Variants in AHNAK2 observed in about 807,000 individuals in gnomAD.
AHNAK2 encodes AHNAK nucleoprotein 2, also known as protein AHNAK2.
A neutral mutation model predicts 30.7 loss-of-function variants in AHNAK2; 18 were observed. The ratio of observed to expected loss-of-function variants is 0.59; its 90% CI spans 0.41 to 0.87. The LOEUF (loss-of-function observed/expected upper bound fraction) is 0.87, where lower values mean the gene tolerates loss of function less well. Ranked by LOEUF, AHNAK2 falls within the 40% of genes least tolerant of loss-of-function variation. AHNAK2 has a pLI of 0.00. For missense variants in AHNAK2, 8,604 were observed against 7,373.0 expected, an observed-to-expected ratio of 1.17 and a Z score of -6.11; for synonymous variants, 3,590 against 3,073.8, an observed-to-expected ratio of 1.17 and a Z score of -5.56.
chr14:104,946,851 GA>G lies in AHNAK2; in HGVS notation c.8599del (p.Ser2867ProfsTer13). On this transcript the variant is annotated frameshift_variant, in exon 7 of 7. Transcript: ENST00000333244. LOFTEE classifies it low-confidence loss of function (END_TRUNC). ...KTTDIRIQPP[S>X]AQLEVQAGQV... ...GCCAGCCTGGACCTCCAGTTGGGCG[GA>G]GGGGGGCTGAATGCGGATGTCAGTG... 1 of 1,612,782 alleles carries G rather than the reference GA, an allele frequency of 6.2e-7. No homozygotes were observed. The highest frequency in any genetic ancestry group is 8.5e-7 in the Non-Finnish European group (1 of 1,179,728).
In AHNAK2 at chr14:104,937,903, G is replaced by T; in HGVS notation, c.*160C>A. ...TGGTTCCATTTTAGGAGGGCTGTGT[G>T]ATGGTGACAAAGGTGTTCTGGTCAT... On this transcript the variant is annotated 3_prime_UTR_variant, in exon 7 of 7. Transcript: ENST00000333244. The T allele has an allele frequency of 1.4e-6, 1 of 735,380 alleles. No individual in the cohort carries two copies. Among genetic ancestry groups the T allele is most frequent in the Non-Finnish European group, 2.1e-6 (1 of 484,480 alleles). The allele number at this position is 735,380 out of a possible 1,614,324, so 45.6% of individuals were successfully genotyped here.
Position 104,971,562 on chromosome 14 carries a change from T to A in AHNAK2, c.55+6621A>T, listed in dbSNP as rs150447488. Among the ~76,000 whole-genome samples the A allele has an allele frequency of 6.0e-4, 92 of 152,208 alleles. No homozygotes were observed. In the East Asian group the frequency reaches 0.014, roughly 23 times the overall value. On this transcript the variant is annotated intron_variant, in intron 1 of 6. Transcript: ENST00000333244. The stretch of plus-strand genomic sequence containing the variant: ...TCCGCACTGGCCTAGCTTTTTTTTT[T>A]AACAAGCCTCCCATCCTTCCCCGTC...
rs984450091 is a variant in AHNAK2 at position 104,960,106 on chromosome 14, A to AAGAC, written c.56-2438_56-2435dup. On this transcript the variant is annotated intron_variant, in intron 1 of 6. Transcript: ENST00000333244. ...AAAACAAAAAGGAGGCTGGATTTAG[A>AAGAC]AGACAGACAATCATCTGTGAACCAC... Among the ~76,000 whole-genome samples, 6 of 152,380 alleles carry AAGAC rather than the reference A, an allele frequency of 3.9e-5. No individual in the cohort carries two copies. The South Asian group carries it at 8.3e-4, about 21-fold the overall frequency.
In AHNAK2 at chr14:104,942,557, G is replaced by T; in HGVS notation, c.12894C>A (p.Phe4298Leu). Residue 4298 changes from phenylalanine to leucine, a missense_variant, in exon 7 of 7, where the codon TTC (phenylalanine) becomes TTA (leucine). Transcript: ENST00000333244. ...ACGGCATCTTGAACTTGGGCATTTT[G>T]AACTTGCTGTCTTTGGCAGTCATGT... The part of the protein sequence containing the change: ...DKDMTAKDSK[F>L]KMPKFKMPSF... 6.2e-7 allele frequency: 1 copy of T among 1,613,176 alleles called. No homozygotes were observed. Among genetic ancestry groups the T allele is most frequent in the Non-Finnish European group, 8.5e-7 (1 of 1,179,576 alleles).
At chr14:104,958,487 A>G (rs958747676) in intron 1 of AHNAK2, among the ~76,000 whole-genome samples, 8 of 152,216 alleles carry the variant, frequency 5.3e-5, no homozygotes, top group Non-Finnish European at 7.3e-5. Context: ...CACAAAAACA[A>G]ATCATGTTTA....
rs1212448903 is a variant in AHNAK2, at chr14:104,948,787, G to A, written c.6664C>T (p.Leu2222=). 2 of 1,611,522 alleles carry A rather than the reference G, an allele frequency of 1.2e-6. No homozygotes were observed. The highest frequency in any genetic ancestry group is 1.7e-6 in the Non-Finnish European group (2 of 1,179,556). Reference sequence around the variant, plus strand: ...ACTTCCTCGGGCACAGGGCCCTCCAGGAGTTTCACGTCCACCTGGCCAGCC... The same window carrying A: ...ACTTCCTCGGGCACAGGGCCCTCCAAGAGTTTCACGTCCACCTGGCCAGCC... The part of the protein sequence containing the change: ...VQAGQVDVKL[L]EGPVPEEVGL... The change falls in exon 7 of 7, where the codon CTG becomes TTG. Residue 2222 remains leucine (L), a synonymous_variant. Transcript: ENST00000333244.
In AHNAK2 at chr14:104,939,600, G is replaced by C; in HGVS notation, c.15851C>G (p.Thr5284Ser). The C allele has an allele frequency of 6.2e-7, 1 of 1,613,828 alleles. No homozygotes were observed. Among genetic ancestry groups the C allele is most frequent in the Non-Finnish European group, 8.5e-7 (1 of 1,179,860 alleles). The change falls in exon 7 of 7, where the codon ACT becomes AGT. Residue 5284 changes from threonine to serine, a missense_variant. By Grantham distance (58) the Thr-to-Ser change is moderately conservative. Transcript: ENST00000333244. ...DSTGLKLHLSTAGMTGDELST... is the reference protein window; with the variant it reads ...DSTGLKLHLSSAGMTGDELST... Reference sequence around the variant, plus strand: ...AAGCTCATCCCCAGTCATCCCAGCAGTGGAGAGGTGCAGCTTCAAGCCTGT... The same window carrying C: ...AAGCTCATCCCCAGTCATCCCAGCACTGGAGAGGTGCAGCTTCAAGCCTGT...
At chr14:104,977,226 C>T (rs1188108183) in intron 1 of AHNAK2, among the ~76,000 whole-genome samples, 1 of 152,196 alleles carries the variant, frequency 6.6e-6, no homozygotes, top group Non-Finnish European at 1.5e-5. Context: ...CCAGTGCCGG[C>T]CAGCCCAACC....
In AHNAK2 at chr14:104,950,393, C is replaced by A. The variant is rs184146706; in HGVS notation, c.5058G>T (p.Pro1686=). ...GGAGGCTCACATCAGCTTCCACCTT[C>A]GGCTCAGACACATCCACCGAGGCCT... The part of the protein sequence containing the change: ...SIEASVDVSE[P]KVEADVSLPS... Residue 1686 remains proline (P), a synonymous_variant, in exon 7 of 7, where the codon CCG becomes CCT. Transcript: ENST00000333244. The A allele has an allele frequency of 6.3e-7, 1 of 1,585,284 alleles. No individual in the cohort carries two copies. The highest frequency in any genetic ancestry group is 8.6e-7 in the Non-Finnish European group (1 of 1,162,818).
At chr14:104,955,256 G>C (rs1375288827) in intron 5 of AHNAK2, 115 bp from the exon 6 acceptor site, 1 of 1,353,888 alleles carries the variant, frequency 7.4e-7, no homozygotes, top group East Asian at 2.3e-5. Flanking sequence ...ATCCCACTGA[G>C]TCTGCCCCAC....
rs376883836 is a variant in AHNAK2 at position 104,942,845 on chromosome 14, C to T, written c.12606G>A (p.Pro4202=). ...VQAGQVDVKL[P]EGPLPKGAGL... ...CGGCTCCCTTGGGCAGGGGGCCCTC[C>T]GGGAGTTTCACGTCCACTTGGCCAG... The change falls in exon 7 of 7, where the codon CCG becomes CCA. Residue 4202 remains proline (P), a synonymous_variant. Transcript: ENST00000333244. 4.8e-4 allele frequency: 765 copies of T among 1,603,468 alleles called. 5 individuals carry two copies. In the African/African-American group the frequency reaches 7.2e-3, roughly 15 times the overall value.
chr14:104,944,936 G>A lies in AHNAK2; in HGVS notation c.10515C>T (p.Ala3505=), dbSNP rs375160014. The A allele has an allele frequency of 1.3e-4, 202 of 1,612,966 alleles. No homozygotes were observed. The highest frequency in any genetic ancestry group is 7.4e-4 in the African/African-American group (55 of 74,716). ...SLDVSAPKVE[A]DVSLSSMQGD... ...CCTGCATGGAGGAGAGGCTCACGTCGGCCTCCACCTTCGGCGCAGACACAT... is the reference window on the plus strand; with the variant it reads ...CCTGCATGGAGGAGAGGCTCACGTCAGCCTCCACCTTCGGCGCAGACACAT... Residue 3505 remains alanine (A), a synonymous_variant, in exon 7 of 7, where the codon GCC becomes GCT. Coordinates refer to ENST00000333244, the MANE Select transcript of AHNAK2 (RefSeq NM_138420.4).
chr14:104,949,989 C>T lies in AHNAK2; in HGVS notation c.5462G>A (p.Ser1821Asn), dbSNP rs752912512. 1.1e-5 allele frequency: 17 copies of T among 1,588,736 alleles called. 2 individuals are homozygous for T. Among genetic ancestry groups the T allele is most frequent in the Non-Finnish European group, 1.5e-5 (17 of 1,163,604 alleles). ...LADKDVTAKD[S>N]KFKMPKFKMP... ...CTTGAACTTGGGCATTTTGAACTTGCTGTCTTTGGCAGTCACATCCTTGTC... is the reference window on the plus strand; with the variant it reads ...CTTGAACTTGGGCATTTTGAACTTGTTGTCTTTGGCAGTCACATCCTTGTC... The change falls in exon 7 of 7, where the codon AGC (serine) becomes AAC (asparagine). Residue 1821 changes from serine (S) to asparagine (N), a missense_variant. Transcript: ENST00000333244.
rs1351641963 is a variant in AHNAK2, at chr14:104,939,368, A to G, written c.16083T>C (p.Ser5361=). ...CAGAAATCTGGGATGGCATATCAGT[A>G]CTTGAAGCTTTCAATTTAAGTGGAC... The part of the protein sequence containing the change: ...PEGPLKLKAS[S]TDMPSQISVV... The change falls in exon 7 of 7, where the codon AGT becomes AGC. Residue 5361 remains serine (S), a synonymous_variant. Transcript: ENST00000333244. 6.2e-7 allele frequency: 1 copy of G among 1,613,734 alleles called. No homozygotes were observed. The highest frequency in any genetic ancestry group is 2.2e-5 in the East Asian group (1 of 44,894).
At chr14:104,972,494 T>C (rs1254780984) in intron 1 of AHNAK2, among the ~76,000 whole-genome samples, 1 of 152,172 alleles carries the variant, frequency 6.6e-6, no homozygotes, top group Non-Finnish European at 1.5e-5. Flanking sequence ...GACACAGCAC[T>C]GACCCCCGCA....
At position 104,947,276 on chromosome 14, in the gene AHNAK2, G is replaced by A. The variant is rs375170748; in HGVS notation, c.8175C>T (p.Ala2725=). The A allele has an allele frequency of 3.0e-5, 49 of 1,611,314 alleles. No homozygotes were observed. The highest frequency in any genetic ancestry group is 2.3e-4 in the African/African-American group (17 of 73,926). Residue 2725 remains alanine (A), a synonymous_variant, in exon 7 of 7, where the codon GCC becomes GCT. Coordinates refer to ENST00000333244, the MANE Select transcript of AHNAK2 (RefSeq NM_138420.4). The stretch of plus-strand genomic sequence containing the variant: ...GCTTGGGCAGGTGCCCTTTGAGGCC[G>A]GCTCCCTCGGGAACGTGGCCCTCTG... ...KLPEGHVPEG[A]GLKGHLPKLQ...
At chr14:104,976,914 G>A (rs780996631) in intron 1 of AHNAK2, among the ~76,000 whole-genome samples, 5 of 152,194 alleles carry the variant, frequency 3.3e-5, no homozygotes, top group Non-Finnish European at 7.4e-5. Flanking sequence ...AGTGAAAGAG[G>A]AGGGGGCCAG....
rs1390586150 is a variant in AHNAK2 at position 104,947,245 on chromosome 14, T to G, written c.8206A>C (p.Met2736Leu). 2.5e-6 allele frequency: 4 copies of G among 1,611,318 alleles called. No individual in the cohort carries two copies. The African/African-American group carries it at 4.1e-5, about 16-fold the overall frequency. ...ACTTCAGGCATCTTGAAACTGGGCA[T>G]CTGCAGCTTGGGCAGGTGCCCTTTG... ...GLKGHLPKLQ[M>L]PSFKMPEVDL... is the part of the protein sequence containing the mutation. Residue 2736 changes from methionine to leucine, a missense_variant, in exon 7 of 7, where the codon ATG (methionine) becomes CTG (leucine). By Grantham distance (15) the Met-to-Leu change is conservative (BLOSUM62 2). Coordinates refer to ENST00000333244, the MANE Select transcript of AHNAK2 (RefSeq NM_138420.4).
At chr14:104,957,046 G>A (rs1450025873) in intron 3 of AHNAK2, among the ~76,000 whole-genome samples, 1 of 152,184 alleles carries the variant, frequency 6.6e-6, no homozygotes, top group Non-Finnish European at 1.5e-5. Flanking sequence ...TCCCTTCCCC[G>A]AGTCCTTGTC....
Sources: allele counts gnomAD v4.1 joint callset (sites outside exome capture counted in the v4.1 genomes callset), GRCh38; gene constraint gnomAD v4.1.1; transcripts MANE v1.5; gene names NCBI Gene and HGNC (gene_info 2026-07-23, HGNC 2026-07-21).